CD38: variants seen among roughly 807,000 people sequenced by gnomAD.
CD38 encodes the protein ADP-ribosyl cyclase/cyclic ADP-ribose hydrolase 1.
In CD38, 31 loss-of-function variants were observed where a neutral mutation model predicts 36.3. The ratio of observed to expected loss-of-function variants is 0.85; its 90% CI spans 0.64 to 1.15. The LOEUF (loss-of-function observed/expected upper bound fraction) is 1.15. Ranked by LOEUF, CD38 falls within the 50% of genes most tolerant of loss-of-function variation. The pLI is 0.00. For synonymous variants in CD38, 131 were observed against 135.2 expected (o/e 0.97, Z 0.22); for missense variants, 380 against 371.9 (o/e 1.02, Z -0.18).
At chr4:15,803,340 G>A (rs918058004) in intron 1 of CD38, among the ~76,000 whole-genome samples, 1 of 152,164 alleles carries the variant, frequency 6.6e-6, no homozygotes, top group Non-Finnish European at 1.5e-5. Flanking sequence ...AGAGTCATGT[G>A]ACAAACTACA....
In CD38 at chr4:15,793,544, G is replaced by A. The variant is rs373439488; in HGVS notation, c.233+14897G>A. Among the ~76,000 whole-genome samples, 145 of 152,166 alleles carry A rather than the reference G, an allele frequency of 9.5e-4. 4 individuals are homozygous for A. The South Asian group carries it at 0.029, about 30-fold the overall frequency. ...CTACTGAATGATGTAAGTTTTCTCT[G>A]TGATTCTTTTGGTCCTTGGGACACA... On this transcript the variant is annotated intron_variant, in intron 1 of 7. Transcript: ENST00000226279.
At chr4:15,817,668 C>T (rs1259703981) in intron 2 of CD38, among the ~76,000 whole-genome samples, 1 of 152,134 alleles carries the variant, frequency 6.6e-6, no homozygotes, top group African/African-American at 2.4e-5. Flanking sequence ...GGTGAAACAC[C>T]TGATAAGTGA....
At chr4:15,794,938 C>T (rs2148917005) in intron 1 of CD38, among the ~76,000 whole-genome samples, 1 of 152,108 alleles carries the variant, frequency 6.6e-6, no homozygotes, top group Middle Eastern at 3.4e-3. Context: ...AGTTTATTAG[C>T]TGTGTAGAAG....
At chr4:15,785,236 T>C (rs1722789818) in intron 1 of CD38, among the ~76,000 whole-genome samples, 1 of 152,094 alleles carries the variant, frequency 6.6e-6, no homozygotes, top group African/African-American at 2.4e-5. Flanking sequence ...TAGCTAATTC[T>C]GGGAGCTTGG....
chr4:15,782,495 C>A (rs1416311483), intron 1 of CD38, among the ~76,000 whole-genome samples: 1 of 152,076 alleles, frequency 6.6e-6, no homozygotes, highest in Admixed American at 6.6e-5. Context: ...CTTCTTGAGC[C>A]TAGGGACTTT....
At position 15,824,956 on chromosome 4, in the gene CD38, G is replaced by A. The variant is rs1043356811; in HGVS notation, c.439G>A (p.Asp147Asn). Reference sequence around the variant, plus strand: ...CCAGCGGGACATGTTCACCCTGGAGGACACGCTGCTAGGCTACCTTGCTGA... The same window carrying A: ...CCAGCGGGACATGTTCACCCTGGAGAACACGCTGCTAGGCTACCTTGCTGA... ...QVQRDMFTLEDTLLGYLADDL... is the reference protein window; with the variant it reads ...QVQRDMFTLENTLLGYLADDL... Residue 147 changes from aspartate to asparagine, a missense_variant, in exon 3 of 8, where the codon GAC becomes AAC. By Grantham distance (23) the Asp-to-Asn change is conservative. Coordinates refer to ENST00000226279, the MANE Select transcript of CD38 (RefSeq NM_001775.4). The A allele has an allele frequency of 1.2e-6, 2 of 1,613,814 alleles. No homozygotes were observed. The highest frequency in any genetic ancestry group is 1.7e-6 in the Non-Finnish European group (2 of 1,179,914).
chr4:15,829,151 C>T (rs975661046), intron 3 of CD38, among the ~76,000 whole-genome samples: 1 of 151,886 alleles, frequency 6.6e-6, no homozygotes, highest in African/African-American at 2.4e-5. Context: ...CTTTGCCCAC[C>T]TTTAAATTGA....
chr4:15,791,039 G>A, intron 1 of CD38, among the ~76,000 whole-genome samples: 1 of 139,358 alleles, frequency 7.2e-6, no homozygotes, highest in Non-Finnish European at 1.6e-5. Context: ...CGTCCGGGAG[G>A]GAGGTGGGGG....
At chr4:15,788,979 C>T (rs1335014986) in intron 1 of CD38, among the ~76,000 whole-genome samples, 1 of 152,082 alleles carries the variant, frequency 6.6e-6, no homozygotes, top group Admixed American at 6.5e-5. Context: ...TACCATCTAA[C>T]TTCATAAGGT....
intron 3 of CD38, among the ~76,000 whole-genome samples, chr4:15,830,161 C>G (rs1196897431): frequency 6.6e-6 from 1 of 152,054 alleles, no homozygotes; most frequent in Non-Finnish European, 1.5e-5. Context: ...TTTTGAGAAA[C>G]CTCAAAACTG....
At chr4:15,833,819 G>A (rs182796599) in intron 3 of CD38, among the ~76,000 whole-genome samples, 8 of 152,304 alleles carry the variant, frequency 5.3e-5, no homozygotes. Context: ...CTTAAGAAGT[G>A]GGGCAGGAAA....
chr4:15,822,794 AACT>A (rs1723768085), intron 2 of CD38, among the ~76,000 whole-genome samples: 1 of 152,194 alleles, frequency 6.6e-6, no homozygotes, highest in African/African-American at 2.4e-5. Flanking sequence ...ATTCCCATTA[AACT>A]ACTATTGACA....
rs183885112 is a variant in CD38, at chr4:15,850,422, A to G, written c.*1820A>G. 6.6e-6 allele frequency: 1 copy of G among 152,350 alleles called. No homozygotes were observed. Among genetic ancestry groups the G allele is most frequent in the African/African-American group, 2.4e-5 (1 of 41,590 alleles). The allele number at this position is 152,350 out of a possible 1,614,324, so 9.4% of individuals were successfully genotyped here. A position where few individuals can be genotyped will look rare whatever the true frequency, so the allele number is the denominator to read the frequency against. On this transcript the variant is annotated 3_prime_UTR_variant, in exon 8 of 8. Transcript: ENST00000226279. ...AATAGCCTAAATGTTGGAGTCAGGC[A>G]TTTCTGGATTCATATTTTGACATCA...
At chr4:15,816,285 A>C (rs1036792897) in intron 1 of CD38, among the ~76,000 whole-genome samples, 1 of 152,148 alleles carries the variant, frequency 6.6e-6, no homozygotes, top group Non-Finnish European at 1.5e-5. Context: ...TCATAAAATG[A>C]CTTATGGAGG....
chr4:15,803,935 GGAT>G (rs1364050604), intron 1 of CD38, among the ~76,000 whole-genome samples: 1 of 152,116 alleles, frequency 6.6e-6, no homozygotes, highest in East Asian at 1.9e-4. Context: ...AACTTGTTTA[GGAT>G]AATGGCCTCC....
In CD38 at chr4:15,778,427, G is replaced by C; in HGVS notation, c.13G>C (p.Glu5Gln). 10 of 1,613,742 alleles carry C rather than the reference G, an allele frequency of 6.2e-6. No individual in the cohort carries two copies. Among genetic ancestry groups the C allele is most frequent in the Non-Finnish European group, 8.5e-6 (10 of 1,179,892 alleles). The change falls in exon 1 of 8, where the codon GAG (glutamate) becomes CAG (glutamine). Residue 5 changes from glutamate to glutamine, a missense_variant. Glu to Gln is a conservative substitution (Grantham distance 29). Coordinates refer to ENST00000226279, the MANE Select transcript of CD38 (RefSeq NM_001775.4). The surrounding 1 kb of genome is among the most constrained non-coding windows in gnomAD (Gnocchi z 4.9). ...CGCCTGGAGCCCTATGGCCAACTGC[G>C]AGTTCAGCCCGGTGTCCGGGGACAA... is the stretch of plus-strand genomic sequence containing the variant. MANC[E>Q]FSPVSGDKPC... is the part of the protein sequence containing the mutation.
In CD38 at chr4:15,791,259, G is replaced by T. The variant is rs1436772801; in HGVS notation, c.233+12612G>T. Among the ~76,000 whole-genome samples the T allele has an allele frequency of 3.5e-5, 2 of 56,928 alleles. 1 individual carries two copies. Among genetic ancestry groups the T allele is most frequent in the Non-Finnish European group, 6.3e-5 (2 of 31,608 alleles). 37.3% of individuals were successfully genotyped at this position (56,928 alleles called of 152,430 possible). A position where few individuals can be genotyped will look rare whatever the true frequency, so the allele number is the denominator to read the frequency against. ...CCGGCCGCCCGTACTGGGAAGTGAG[G>T]AGCCCCTCTGCCCGGCCAGCCACCC... On this transcript the variant is annotated intron_variant, in intron 1 of 7. Coordinates refer to ENST00000226279, the MANE Select transcript of CD38 (RefSeq NM_001775.4).
chr4:15,789,098 G>A (rs1429547147), intron 1 of CD38, among the ~76,000 whole-genome samples: 1 of 152,208 alleles, frequency 6.6e-6, no homozygotes, highest in African/African-American at 2.4e-5. Flanking sequence ...CAGTACCCCA[G>A]TGTGACTCTG....
chr4:15,826,060 G>C (rs972257309), intron 3 of CD38: 1 of 148,394 alleles, frequency 6.7e-6, no homozygotes, highest in Non-Finnish European at 1.5e-5. Flanking sequence ...TCTTATTATA[G>C]CTTCTTTGTC....
Sources: allele counts gnomAD v4.1 joint callset (sites outside exome capture counted in the v4.1 genomes callset), GRCh38; gene constraint gnomAD v4.1.1; non-coding constraint Gnocchi (gnomAD v3.1); transcripts MANE v1.5; gene names NCBI Gene and HGNC (gene_info 2026-07-23, HGNC 2026-07-21).